Variants in RAB38 observed in about 807,000 individuals in gnomAD.
The protein encoded by RAB38 is RAB38, member RAS oncogene family.
Under a neutral mutation model 18.4 loss-of-function variants are expected in RAB38, and 15 were observed. The ratio of observed to expected loss-of-function variants is 0.82; its 90% CI spans 0.55 to 1.26. The LOEUF is 1.26. Ranked by LOEUF, RAB38 falls within the 50% of genes most tolerant of loss-of-function variation. RAB38 has a pLI of 0.00. For missense variants in RAB38, 294 were observed against 267.4 expected (o/e 1.10, Z -0.69); for synonymous variants, 101 against 104.4 (o/e 0.97, Z 0.20).
At chr11:88,048,875 C>T in the RAB38 span, among the ~76,000 whole-genome samples, 7 of 152,188 alleles carry the variant, frequency 4.6e-5, no homozygotes, top group South Asian at 1.0e-3. Context: ...TCCTTAGGCA[C>T]TCTGGTTAGA....
chr11:87,862,152 C>T, the RAB38 span, among the ~76,000 whole-genome samples: 2 of 152,074 alleles, frequency 1.3e-5, no homozygotes, highest in East Asian at 1.9e-4. Context: ...CCAGCAATAC[C>T]ATTACTGGGT....
the RAB38 span, among the ~76,000 whole-genome samples, chr11:87,971,882 C>T: frequency 6.6e-6 from 1 of 151,504 alleles, no homozygotes; most frequent in East Asian, 1.9e-4. Context: ...ATGTTCATTG[C>T]TATGCCCTCT....
the RAB38 span, among the ~76,000 whole-genome samples, chr11:87,952,152 C>T: frequency 9.9e-5 from 15 of 152,060 alleles, no homozygotes; most frequent in South Asian, 2.1e-4. Context: ...AGGGATCCAT[C>T]GGGAGGGTGG....
the RAB38 span, among the ~76,000 whole-genome samples, chr11:88,004,896 A>G: frequency 1.3e-5 from 2 of 151,372 alleles, no homozygotes; most frequent in African/African-American, 4.8e-5. Context: ...AATATGATCA[A>G]AAATACTAAA....
chr11:87,845,679 T>C, the RAB38 span, among the ~76,000 whole-genome samples: 2 of 152,120 alleles, frequency 1.3e-5, no homozygotes, highest in African/African-American at 4.8e-5. Flanking sequence ...CTTACATTTA[T>C]AAATTCAGAA....
At chr11:88,152,294 T>C (rs1398102205) in intron 1 of RAB38, among the ~76,000 whole-genome samples, 1 of 152,272 alleles carries the variant, frequency 6.6e-6, no homozygotes, top group South Asian at 2.1e-4. Context: ...GTTTTCATAG[T>C]AGAACAAGGC....
chr11:88,149,393 G>A (rs1411992802), intron 2 of RAB38, among the ~76,000 whole-genome samples: 2 of 152,148 alleles, frequency 1.3e-5, no homozygotes, highest in East Asian at 3.9e-4. Flanking sequence ...AAATATGCCT[G>A]GCTCATAGTA....
the RAB38 span, among the ~76,000 whole-genome samples, chr11:87,892,428 G>T: frequency 6.6e-6 from 1 of 151,764 alleles, no homozygotes; most frequent in Non-Finnish European, 1.5e-5. Context: ...TGTATAACTG[G>T]ATTTCCTTTC....
the RAB38 span, among the ~76,000 whole-genome samples, chr11:87,886,746 A>G: frequency 6.6e-6 from 1 of 151,984 alleles, no homozygotes; most frequent in Non-Finnish European, 1.5e-5. Flanking sequence ...GTTGAGAAAG[A>G]AAGATGAGCT....
chr11:87,963,525 A>G, the RAB38 span, among the ~76,000 whole-genome samples: 6 of 152,206 alleles, frequency 3.9e-5, no homozygotes, highest in African/African-American at 1.4e-4. Context: ...TCTATGCAAC[A>G]TTTTAACCAC....
At chr11:88,158,525 A>T (rs1365825643) in intron 1 of RAB38, among the ~76,000 whole-genome samples, 1 of 152,180 alleles carries the variant, frequency 6.6e-6, no homozygotes, top group Non-Finnish European at 1.5e-5. Flanking sequence ...AAATTCCTCA[A>T]CAAAACACTA....
chr11:87,961,771 ACTCTTGGGAATTGTCTTTAG>A, the RAB38 span, among the ~76,000 whole-genome samples: 2 of 151,756 alleles, frequency 1.3e-5, no homozygotes, highest in South Asian at 2.1e-4. Context: ...CAAATACTAC[ACTCTTGGGAATTGTCTTTAG>A]CTCTAAGAGA....
At chr11:87,862,579 G>T in the RAB38 span, among the ~76,000 whole-genome samples, 1 of 151,776 alleles carries the variant, frequency 6.6e-6, no homozygotes. Flanking sequence ...ATATCTGGGT[G>T]ATGAAATAAT....
At chr11:87,930,215 C>A in the RAB38 span, among the ~76,000 whole-genome samples, 1 of 152,194 alleles carries the variant, frequency 6.6e-6, no homozygotes, top group Non-Finnish European at 1.5e-5. Context: ...TCCACATCCT[C>A]TCCAGCATCT....
At chr11:87,969,953 TATAGAAACCTGTATAACCAAGGTCCAAA>T in the RAB38 span, among the ~76,000 whole-genome samples, 1 of 152,058 alleles carries the variant, frequency 6.6e-6, no homozygotes, top group African/African-American at 2.4e-5. Flanking sequence ...AGCCAAGCCA[TATAGAAACCTGTATAACCAAGGTCCAAA>T]TAAACAAGTA....
chr11:87,874,541 C>G, the RAB38 span, among the ~76,000 whole-genome samples: 1 of 151,080 alleles, frequency 6.6e-6, no homozygotes, highest in South Asian at 2.1e-4. Flanking sequence ...GGAGGTATAC[C>G]TAATGTAAAT....
the RAB38 span, among the ~76,000 whole-genome samples, chr11:88,107,487 A>G: frequency 6.6e-6 from 1 of 152,054 alleles, no homozygotes; most frequent in African/African-American, 2.4e-5. Context: ...TTAGCACTAT[A>G]CTAAGTGTTT....
intron 1 of RAB38, among the ~76,000 whole-genome samples, chr11:88,150,497 A>G (rs1225512012): frequency 6.6e-6 from 1 of 152,196 alleles, no homozygotes; most frequent in African/African-American, 2.4e-5. Flanking sequence ...ACAGACTCTA[A>G]ACAATAAACA....
At chr11:87,895,117 C>G in the RAB38 span, among the ~76,000 whole-genome samples, 1 of 151,526 alleles carries the variant, frequency 6.6e-6, no homozygotes, top group African/African-American at 2.4e-5. Flanking sequence ...AGCAGAAAAG[C>G]ACCCCCAGGT....
Sources: gnomAD v4.1 joint callset for allele counts (sites outside exome capture counted in the v4.1 genomes callset) on GRCh38, gnomAD v4.1.1 for gene constraint, MANE v1.5 for transcripts, NCBI Gene and HGNC (gene_info 2026-07-23, HGNC 2026-07-21) for gene names.